The following DHTKD1 variants were observed in gnomAD, a reference collection of about 807,000 sequenced individuals.
The protein encoded by DHTKD1 is dehydrogenase E1 and transketolase domain containing 1, also known as 2-oxoadipate dehydrogenase complex component E1.
DHTKD1 carries 78 observed loss-of-function variants against 101.8 expected under a neutral mutation model. That is an observed-to-expected ratio of 0.77 (90% CI 0.64 to 0.93). DHTKD1 has a LOEUF of 0.93. Ranked by LOEUF, DHTKD1 falls within the 40% of genes least tolerant of loss-of-function variation. The pLI is 0.00. For missense variants in DHTKD1, 1,223 were observed against 1,161.7 expected, an observed-to-expected ratio of 1.05 and a Z score of -0.77; for synonymous variants, 462 against 450.3, an observed-to-expected ratio of 1.03 and a Z score of -0.33.
chr10:12,080,568 G>A (rs994040806), intron 1 of DHTKD1, among the ~76,000 whole-genome samples: 12 of 151,712 alleles, frequency 7.9e-5, no homozygotes, highest in African/African-American at 4.8e-5. Flanking sequence ...AACATTAGCC[G>A]GGCGTGGTGG....
chr10:12,120,165 A>T lies in DHTKD1; in HGVS notation c.2573-17A>T. The T allele has an allele frequency of 1.2e-6, 2 of 1,605,396 alleles. No individual in the cohort carries two copies. Among genetic ancestry groups the T allele is most frequent in the Non-Finnish European group, 1.7e-6 (2 of 1,172,814 alleles). On this transcript the variant is annotated splice_polypyrimidine_tract_variant and intron_variant, in intron 15 of 16. Transcript: ENST00000263035. ...ATGTGTCTACTTGAGGTGCTGAAAG[A>T]ATTTCTTCTCTCATAGATCATATTT... is the stretch of plus-strand genomic sequence containing the variant.
At chr10:12,099,958 G>A (rs534385328) in intron 8 of DHTKD1, among the ~76,000 whole-genome samples, 3 of 151,914 alleles carry the variant, frequency 2.0e-5, no homozygotes, top group East Asian at 1.9e-4. Context: ...ACCAGGCCTA[G>A]CTAATTTTTG....
chr10:12,121,231 A>AAAAAC lies in DHTKD1; in HGVS notation c.*347_*348insCAAAA. 8.8e-6 allele frequency: 2 copies of AAAAAC among 226,160 alleles called. No individual in the cohort carries two copies. Among genetic ancestry groups the AAAAAC allele is most frequent in the African/African-American group, 4.6e-5 (2 of 43,896 alleles). 14.0% of individuals were successfully genotyped at this position (226,160 alleles called of 1,614,324 possible). On this transcript the variant is annotated 3_prime_UTR_variant, in exon 17 of 17. Coordinates refer to ENST00000263035, the MANE Select transcript of DHTKD1 (RefSeq NM_018706.7). ...CAAGACTGCGTTTCAAAAAAAAAAA[A>AAAAAC]AAAAAAACCCATTAAAAGAGGCCTC...
At chr10:12,098,557 T>TA (rs1833109191) in intron 8 of DHTKD1, among the ~76,000 whole-genome samples, 1 of 152,160 alleles carries the variant, frequency 6.6e-6, no homozygotes, top group African/African-American at 2.4e-5. Context: ...CTTTGCCCTC[T>TA]AAATTATTTT....
intron 14 of DHTKD1, among the ~76,000 whole-genome samples, 168 bp from the exon 15 acceptor site, chr10:12,118,581 A>C (rs757570424): frequency 1.3e-5 from 2 of 151,678 alleles, no homozygotes; most frequent in Non-Finnish European, 2.9e-5. Flanking sequence ...ACAGGGTTTC[A>C]CCGTGTTAGC....
intron 2 of DHTKD1, among the ~76,000 whole-genome samples, chr10:12,082,611 T>C (rs1000394680): frequency 2.3e-4 from 20 of 85,190 alleles, no homozygotes; most frequent in African/African-American, 6.7e-4. Context: ...TTTTCTCTCT[T>C]TTTTCTTTTT....
At position 12,120,917 on chromosome 10, in the gene DHTKD1, CTT is replaced by C; in HGVS notation, c.*31_*32del. 1 of 1,604,724 alleles carries C rather than the reference CTT, an allele frequency of 6.2e-7. No individual in the cohort carries two copies. The highest frequency in any genetic ancestry group is 1.1e-5 in the South Asian group (1 of 90,874). ...TGACTTTTGAAGAAACACTATTTCT[CTT>C]TAAGAAAATGGCCATTAAGGCCGGG... On this transcript the variant is annotated 3_prime_UTR_variant, in exon 17 of 17. Transcript: ENST00000263035.
At chr10:12,088,615 G>T (rs750129976) in intron 4 of DHTKD1, among the ~76,000 whole-genome samples, 4 of 151,976 alleles carry the variant, frequency 2.6e-5, no homozygotes, top group Admixed American at 2.6e-4. Context: ...ACCTAATCTC[G>T]CTCTGTCACC....
Position 12,105,818 on chromosome 10 carries a change from G to A in DHTKD1, c.1897-428G>A, listed in dbSNP as rs567597110. ...CTCAAAAGAATGTGGTGATGAGGCCGGGCGTGGTGGCTCATGCTGTAACCC... is the reference window on the plus strand; with the variant it reads ...CTCAAAAGAATGTGGTGATGAGGCCAGGCGTGGTGGCTCATGCTGTAACCC... On this transcript the variant is annotated intron_variant, in intron 10 of 16. Coordinates refer to ENST00000263035, the MANE Select transcript of DHTKD1 (RefSeq NM_018706.7). 6.6e-5 allele frequency among the ~76,000 whole-genome samples: 10 copies of A among 152,228 alleles called. No individual in the cohort carries two copies. In the South Asian group the frequency reaches 1.5e-3, roughly 22 times the overall value.
chr10:12,087,860 C>CCAG lies in DHTKD1; in HGVS notation c.717+133_717+135dup. ...GGCACTGTGGCTCACACCTGCAATCCCAGCCTGTTGGGAGGATGAGGCAGG... is the reference window on the plus strand; with the variant it reads ...GGCACTGTGGCTCACACCTGCAATCCCAGCAGCCTGTTGGGAGGATGAGGCAGG... On this transcript the variant is annotated intron_variant, in intron 4 of 16. Coordinates refer to ENST00000263035, the MANE Select transcript of DHTKD1 (RefSeq NM_018706.7). This position sits in a 1 kb window ranked among gnomAD's most constrained non-coding sequence, Gnocchi z 5.2. The CCAG allele has an allele frequency of 1.3e-6, 1 of 763,942 alleles. No homozygotes were observed. Among genetic ancestry groups the CCAG allele is most frequent in the East Asian group, 3.1e-5 (1 of 32,220 alleles). 47.3% of individuals were successfully genotyped at this position (763,942 alleles called of 1,614,324 possible). A position where few individuals can be genotyped will look rare whatever the true frequency, so the allele number is the denominator to read the frequency against.
intron 14 of DHTKD1, 100 bp from the exon 15 acceptor site, chr10:12,118,649 T>A: frequency 4.2e-6 from 4 of 952,856 alleles, no homozygotes; most frequent in Admixed American, 3.0e-5. Context: ...CCCAAAGTGC[T>A]GAGATTACAG....
intron 15 of DHTKD1, among the ~76,000 whole-genome samples, chr10:12,119,494 T>G (rs1182898432): frequency 2.7e-5 from 4 of 149,900 alleles, no homozygotes; most frequent in South Asian, 2.1e-4. Context: ...CGGGCGCCTG[T>G]AGTCCCAGCT....
At chr10:12,082,863 G>A (rs1832842711) in intron 2 of DHTKD1, among the ~76,000 whole-genome samples, 1 of 152,116 alleles carries the variant, frequency 6.6e-6, no homozygotes, top group African/African-American at 2.4e-5. Context: ...TTGGCCGGGT[G>A]CGGTGGCTCA....
rs767544251 is a variant in DHTKD1 at position 12,120,776 on chromosome 10, T to G, written c.2659-11T>G. The G allele has an allele frequency of 2.8e-5, 45 of 1,612,016 alleles. No homozygotes were observed. The highest frequency in any genetic ancestry group is 4.0e-5 in the African/African-American group (3 of 74,910). On this transcript the variant is annotated splice_polypyrimidine_tract_variant and intron_variant, in intron 16 of 16. Transcript: ENST00000263035. ...AAATGTCATTTTATTTCTTCTCTGCTGCACTTATAGCTCCGTCTGGTGGGC... is the reference window on the plus strand; with the variant it reads ...AAATGTCATTTTATTTCTTCTCTGCGGCACTTATAGCTCCGTCTGGTGGGC...
chr10:12,094,000 A>T (rs1014457149), intron 6 of DHTKD1, 73 bp from the exon 7 acceptor site: 1 of 1,291,320 alleles, frequency 7.7e-7, no homozygotes, highest in Admixed American at 1.7e-5. Context: ...TTGATGCAGG[A>T]AGTAGGGCTT....
At chr10:12,089,351 T>C (rs1832954412) in intron 5 of DHTKD1, 96 bp downstream of exon 5, 7 of 1,185,266 alleles carry the variant, frequency 5.9e-6, no homozygotes, top group Non-Finnish European at 8.4e-6. Context: ...ACATTCATGA[T>C]GAAACTGAGA....
At chr10:12,091,143 G>T (rs972572455) in intron 5 of DHTKD1, among the ~76,000 whole-genome samples, 1 of 152,112 alleles carries the variant, frequency 6.6e-6, no homozygotes, top group Non-Finnish European at 1.5e-5. Flanking sequence ...GGTCGCTGTG[G>T]CTCATGCCTG....
At chr10:12,115,533 C>A (rs1173288739) in intron 13 of DHTKD1, among the ~76,000 whole-genome samples, 1 of 152,166 alleles carries the variant, frequency 6.6e-6, no homozygotes, top group Non-Finnish European at 1.5e-5. Context: ...TCACCCTAGC[C>A]TGGCCCTGGG....
intron 12 of DHTKD1, 100 bp downstream of exon 12, chr10:12,108,115 G>C (rs1445360388): frequency 2.5e-6 from 2 of 789,678 alleles, no homozygotes; most frequent in African/African-American, 3.5e-5. Context: ...CTGTAACACA[G>C]CTTAGTATTT....
Sources: gnomAD v4.1 joint callset for allele counts (sites outside exome capture counted in the v4.1 genomes callset) on GRCh38, gnomAD v4.1.1 for gene constraint, Gnocchi (gnomAD v3.1) non-coding constraint, MANE v1.5 for transcripts, NCBI Gene and HGNC (gene_info 2026-07-23, HGNC 2026-07-21) for gene names.